TMTC2: variants seen among roughly 807,000 people sequenced by gnomAD.
TMTC2 encodes the protein transmembrane O-mannosyltransferase targeting cadherins 2.
TMTC2 carries 43 observed loss-of-function variants against 82.4 expected under a neutral mutation model. The observed-to-expected ratio is 0.52, with a 90% confidence interval of 0.41 to 0.67. TMTC2 has a LOEUF of 0.67. Among genes scored for constraint, TMTC2 ranks in the 30% least tolerant of loss-of-function variants. The probability of loss-of-function intolerance (pLI) is 0.00; values close to 1 mark genes in which losing one functional copy is unlikely to be tolerated. For synonymous variants in TMTC2, 408 were observed against 381.9 expected (o/e 1.07, Z -0.80); for missense variants, 919 against 1,012.4 (o/e 0.91, Z 1.25).
At chr12:82,903,475 G>A (rs1039450098) in intron 3 of TMTC2, among the ~76,000 whole-genome samples, 5 of 152,100 alleles carry the variant, frequency 3.3e-5, no homozygotes, top group Non-Finnish European at 7.4e-5. Flanking sequence ...GCAGTGGCGC[G>A]ATCTCGCCTC....
intron 2 of TMTC2, among the ~76,000 whole-genome samples, chr12:82,872,194 C>T (rs1194963003): frequency 6.6e-6 from 1 of 152,098 alleles, no homozygotes; most frequent in Non-Finnish European, 1.5e-5. Flanking sequence ...TTTGGCATGC[C>T]TCTGTCCCAG....
At chr12:82,967,655 A>C (rs1878271919) in intron 7 of TMTC2, among the ~76,000 whole-genome samples, 1 of 152,112 alleles carries the variant, frequency 6.6e-6, no homozygotes, top group African/African-American at 2.4e-5. Flanking sequence ...CAAACCACAT[A>C]TTCAGCATAT....
chr12:82,775,272 G>C (rs1877527063), intron 1 of TMTC2, among the ~76,000 whole-genome samples: 1 of 151,946 alleles, frequency 6.6e-6, no homozygotes, highest in Non-Finnish European at 1.5e-5. Context: ...AACACAGCAA[G>C]ACCTGGTCTT....
At chr12:83,078,786 A>G (rs1036857957) in intron 11 of TMTC2, among the ~76,000 whole-genome samples, 3 of 152,172 alleles carry the variant, frequency 2.0e-5, no homozygotes, top group African/African-American at 7.2e-5. Flanking sequence ...TTAATGATCT[A>G]TACTGAAATG....
chr12:83,032,948 C>A (rs1352539684), intron 9 of TMTC2, among the ~76,000 whole-genome samples: 1 of 152,032 alleles, frequency 6.6e-6, no homozygotes, highest in African/African-American at 2.4e-5. Context: ...CTTCTTAGAA[C>A]CCTTGGATTG....
At chr12:83,096,733 A>G (rs1407781022) in intron 11 of TMTC2, among the ~76,000 whole-genome samples, 2 of 152,132 alleles carry the variant, frequency 1.3e-5, no homozygotes, top group African/African-American at 4.8e-5. Context: ...GGGAGCTAAA[A>G]TTCCAGATGA....
chr12:82,741,031 G>T (rs538160179), intron 1 of TMTC2, among the ~76,000 whole-genome samples: 1 of 152,112 alleles, frequency 6.6e-6, no homozygotes, highest in African/African-American at 2.4e-5. Flanking sequence ...CCTGTCACTT[G>T]TATACCCACT....
At chr12:83,112,544 G>A (rs1459650777) in intron 11 of TMTC2, among the ~76,000 whole-genome samples, 2 of 152,130 alleles carry the variant, frequency 1.3e-5, no homozygotes, top group Non-Finnish European at 2.9e-5. Context: ...CACTGCAATT[G>A]GATTTCATTA....
At chr12:82,728,659 C>T (rs1351703350) in intron 1 of TMTC2, among the ~76,000 whole-genome samples, 1 of 152,254 alleles carries the variant, frequency 6.6e-6, no homozygotes, top group African/African-American at 2.4e-5. Context: ...GCCTTGGCGC[C>T]CACTCTGGTC....
intron 11 of TMTC2, among the ~76,000 whole-genome samples, chr12:83,102,517 CA>C (rs1182377930): frequency 3.3e-5 from 5 of 152,080 alleles, no homozygotes; most frequent in African/African-American, 9.7e-5. Context: ...TATCAAAATG[CA>C]AAACAGTCAT....
chr12:82,753,499 T>C (rs1876131636), intron 1 of TMTC2, among the ~76,000 whole-genome samples: 1 of 152,186 alleles, frequency 6.6e-6, no homozygotes, highest in Admixed American at 6.5e-5. Flanking sequence ...GTTTTTAATA[T>C]TGACCAATGT....
chr12:83,092,528 G>A (rs970926152), intron 11 of TMTC2, among the ~76,000 whole-genome samples: 2 of 152,118 alleles, frequency 1.3e-5, no homozygotes, highest in Non-Finnish European at 2.9e-5. Context: ...CATCTAGCTG[G>A]CAGCCATGTA....
At chr12:83,101,969 C>G (rs1884233963) in intron 11 of TMTC2, among the ~76,000 whole-genome samples, 1 of 152,110 alleles carries the variant, frequency 6.6e-6, no homozygotes, top group African/African-American at 2.4e-5. Context: ...ACTGTTTTCA[C>G]TAGGGAAATT....
chr12:83,023,969 T>A (rs1881050448), intron 8 of TMTC2, among the ~76,000 whole-genome samples: 1 of 152,204 alleles, frequency 6.6e-6, no homozygotes, highest in Non-Finnish European at 1.5e-5. Flanking sequence ...TTCAGCCAGA[T>A]CATTTCTGTA....
At chr12:82,992,021 C>T (rs558957881) in intron 8 of TMTC2, among the ~76,000 whole-genome samples, 2 of 152,254 alleles carry the variant, frequency 1.3e-5, no homozygotes, top group South Asian at 4.2e-4. Flanking sequence ...ATATTGGAGA[C>T]TCTGACAGTA....
chr12:83,122,295 G>A (rs1420311203), intron 11 of TMTC2, among the ~76,000 whole-genome samples: 5 of 151,240 alleles, frequency 3.3e-5, no homozygotes, highest in Non-Finnish European at 7.4e-5. Context: ...CGCCTGTGGA[G>A]TCTGCACACT....
In TMTC2 at chr12:82,930,506, T is replaced by C; in HGVS notation, c.1559T>C (p.Leu520Ser). The change falls in exon 4 of 12, where the codon TTG (leucine) becomes TCG (serine). Residue 520 changes from leucine (L) to serine (S), a missense_variant. Leu to Ser is a moderately radical substitution (Grantham distance 145). Coordinates refer to ENST00000321196, the MANE Select transcript of TMTC2 (RefSeq NM_152588.3). The part of the protein sequence containing the change: ...SEAESAYRNA[L>S]YYRSNMADML... ...GCTGAAAGCGCCTATAGAAATGCTT[T>C]GTACTACCGCAGCAACATGGCTGAC... The C allele has an allele frequency of 6.2e-7, 1 of 1,604,598 alleles. No homozygotes were observed. The highest frequency in any genetic ancestry group is 8.5e-7 in the Non-Finnish European group (1 of 1,172,662).
At chr12:82,775,946 C>A (rs770159194) in intron 1 of TMTC2, among the ~76,000 whole-genome samples, 1 of 151,824 alleles carries the variant, frequency 6.6e-6, no homozygotes, top group East Asian at 1.9e-4. Context: ...TTGAGAGGAT[C>A]GTGTTCTTTC....
At chr12:82,877,375 C>T (rs2137149489) in intron 2 of TMTC2, among the ~76,000 whole-genome samples, 1 of 152,296 alleles carries the variant, frequency 6.6e-6, no homozygotes, top group Middle Eastern at 3.4e-3. Flanking sequence ...AATATCCTGT[C>T]TCTCATATCA....
Sources: gnomAD v4.1 joint callset for allele counts (sites outside exome capture counted in the v4.1 genomes callset) on GRCh38, gnomAD v4.1.1 for gene constraint, MANE v1.5 for transcripts, NCBI Gene and HGNC (gene_info 2026-07-23, HGNC 2026-07-21) for gene names.